EFNB1: variants seen among roughly 807,000 people sequenced by gnomAD.
The protein encoded by EFNB1 is ephrin B1, also known as ephrin-B1.
In EFNB1, 1 loss-of-function variant was observed where a neutral mutation model predicts 18.1. The ratio of observed to expected loss-of-function variants is 0.06; its 90% confidence interval spans 0.02 to 0.26. The LOEUF (loss-of-function observed/expected upper bound fraction) is 0.26, where lower values mean the gene tolerates loss of function less well. EFNB1 is among the 10% of genes least tolerant of loss of function. EFNB1 has a pLI of 1.00. For missense variants in EFNB1, 221 were observed against 301.8 expected, an observed-to-expected ratio of 0.73 and a Z score of 1.98; for synonymous variants, 131 against 127.5, an observed-to-expected ratio of 1.03 and a Z score of -0.19.
At position 68,840,700 on chromosome X, in the gene EFNB1, C is replaced by T. The variant is rs775252862; in HGVS notation, c.*46C>T. The stretch of plus-strand genomic sequence containing the variant: ...CCCCCGAGGGACAGTCGGCCTGGAC[C>T]GGACCTCTCCTTTCGCCCCCACACC... On this transcript the variant is annotated 3_prime_UTR_variant, in exon 5 of 5. Transcript: ENST00000204961. The T allele has an allele frequency of 3.9e-5, 46 of 1,164,639 alleles. No homozygotes were observed. The Admixed American group carries it at 5.4e-4, about 14-fold the overall frequency.
intron 1 of EFNB1, among the ~76,000 whole-genome samples, chrX:68,830,811 C>G (rs927360562): frequency 8.9e-6 from 1 of 112,454 alleles, no homozygotes; most frequent in Non-Finnish European, 1.9e-5. Context: ...GAGTGGGCAG[C>G]TATATAAAGG....
intron 1 of EFNB1, among the ~76,000 whole-genome samples, chrX:68,831,639 G>C (rs2080445830): frequency 9.0e-6 from 1 of 111,154 alleles, no homozygotes; most frequent in African/African-American, 3.3e-5. Flanking sequence ...CCATCATAGG[G>C]GCTCATGGGA....
chrX:68,829,970 C>G (rs2080440161), intron 1 of EFNB1, 66 bp downstream of exon 1: 1 of 1,151,429 alleles, frequency 8.7e-7, no homozygotes, highest in Non-Finnish European at 1.2e-6. Context: ...GCCGCACGCC[C>G]CGGAGTGCAT....
intron 1 of EFNB1, 135 bp from the exon 2 acceptor site, chrX:68,838,482 G>A (rs1364771167): frequency 2.8e-6 from 2 of 724,770 alleles, no homozygotes; most frequent in Non-Finnish European, 4.2e-6. Flanking sequence ...CCTGAGGATG[G>A]AGGAAGGGCA....
intron 1 of EFNB1, 33 bp from the exon 2 acceptor site, chrX:68,838,584 C>A: frequency 8.3e-7 from 1 of 1,210,792 alleles, no homozygotes. Context: ...CACCCCCAAC[C>A]CTGAGGCTGA....
intron 4 of EFNB1, 50 bp from the exon 5 acceptor site, chrX:68,840,192 G>A: frequency 8.3e-7 from 1 of 1,210,334 alleles, no homozygotes; most frequent in South Asian, 1.8e-5. Flanking sequence ...AATCTGCTGT[G>A]TGTCCCTGGG....
chrX:68,842,006 G>A lies in EFNB1; in HGVS notation c.*1352G>A, dbSNP rs1471823276. On this transcript the variant is annotated 3_prime_UTR_variant, in exon 5 of 5. Coordinates refer to ENST00000204961, the MANE Select transcript of EFNB1 (RefSeq NM_004429.5). The stretch of plus-strand genomic sequence containing the variant: ...CCCCTTCCAGGTGGCAGTCGGAAGG[G>A]TTTTTGTTTTTGTTTCTGTTGCCAT... 1 of 112,684 alleles carries A rather than the reference G, an allele frequency of 8.9e-6. No individual in the cohort carries two copies. The highest frequency in any genetic ancestry group is 3.2e-5 in the African/African-American group (1 of 30,925). The allele number at this position is 112,684 out of a possible 1,213,427, so 9.3% of individuals were successfully genotyped here. A position where few individuals can be genotyped will look rare whatever the true frequency, so the allele number is the denominator to read the frequency against.
chrX:68,838,416 A>G (rs190663423), intron 1 of EFNB1, among the ~76,000 whole-genome samples: 2 of 111,482 alleles, frequency 1.8e-5, no homozygotes, highest in Admixed American at 9.4e-5. Flanking sequence ...AGCCTTGCCC[A>G]TGGGCCACCC....
chrX:68,832,988 A>ACCC (rs1351876600), intron 1 of EFNB1, among the ~76,000 whole-genome samples: 3 of 107,678 alleles, frequency 2.8e-5, no homozygotes, highest in Non-Finnish European at 5.8e-5. Flanking sequence ...TCCCGTCCTG[A>ACCC]CCCCTTCCTG....
At chrX:68,834,760 T>C (rs909192135) in intron 1 of EFNB1, among the ~76,000 whole-genome samples, 1 of 112,510 alleles carries the variant, frequency 8.9e-6, no homozygotes, top group African/African-American at 3.2e-5. Flanking sequence ...GACTTGGGCT[T>C]GCATGGCCTA....
rs141908809 is a variant in EFNB1, at chrX:68,834,811, G to C, written c.129-3806G>C. ...TTTGGTCATTCTCTGACCACAAGTT[G>C]CTAGAGCCTGAGAGCAGGGTGACAG... On this transcript the variant is annotated intron_variant, in intron 1 of 4. Transcript: ENST00000204961. 3.9e-3 allele frequency among the ~76,000 whole-genome samples: 435 copies of C among 112,680 alleles called. 4 individuals carry two copies. The highest frequency in any genetic ancestry group is 0.013 in the African/African-American group (410 of 31,004).
chrX:68,839,791 C>T (rs1395456241), intron 3 of EFNB1, 35 bp downstream of exon 3: 2 of 1,185,336 alleles, frequency 1.7e-6, no homozygotes, highest in Non-Finnish European at 2.3e-6. Context: ...CTCACCCCAC[C>T]CTGTTTGACC....
chrX:68,834,870 G>C (rs766538926), intron 1 of EFNB1, among the ~76,000 whole-genome samples: 8 of 112,552 alleles, frequency 7.1e-5, no homozygotes, highest in Non-Finnish European at 1.5e-4. Context: ...GATGTGGGCA[G>C]CTTTCTGGGC....
chrX:68,837,647 C>T (rs1380822258), intron 1 of EFNB1, among the ~76,000 whole-genome samples: 3 of 112,189 alleles, frequency 2.7e-5, no homozygotes, highest in Non-Finnish European at 3.8e-5. Context: ...GCTGCTGACC[C>T]TCCCTGCTGT....
At chrX:68,839,922 G>A (rs763969071) in intron 3 of EFNB1, 38 bp from the exon 4 acceptor site, 57 of 1,209,640 alleles carry the variant, frequency 4.7e-5, no homozygotes, top group South Asian at 1.1e-4. Context: ...TATGCTGGCC[G>A]GGTCCCTGCC....
chrX:68,829,413 A>C lies in EFNB1; in HGVS notation c.-364A>C, dbSNP rs2080437654. 4.3e-6 allele frequency: 1 copy of C among 229,958 alleles called. No homozygotes were observed. Among genetic ancestry groups the C allele is most frequent in the East Asian group, 1.3e-4 (1 of 7,894 alleles). The allele number at this position is 229,958 out of a possible 1,213,427, so 19.0% of individuals were successfully genotyped here. A position where few individuals can be genotyped will look rare whatever the true frequency, so the allele number is the denominator to read the frequency against. ...GGCGGTCACCGAGACCTCTGCGGGAAGACCCCGTCGGGGAGAGGGCGCGCA... is the reference window on the plus strand; with the variant it reads ...GGCGGTCACCGAGACCTCTGCGGGACGACCCCGTCGGGGAGAGGGCGCGCA... On this transcript the variant is annotated 5_prime_UTR_variant, in exon 1 of 5. Transcript: ENST00000204961.
rs141090455 is a variant in EFNB1, at chrX:68,831,415, C to T, written c.128+1511C>T. Among the ~76,000 whole-genome samples, 565 of 111,989 alleles carry T rather than the reference C, an allele frequency of 5.0e-3. 3 individuals are homozygous for T. Among genetic ancestry groups the T allele is most frequent in the African/African-American group, 0.016 (492 of 30,792 alleles). ...GGGATTGGCAAGAATTTCTTTCCTA[C>T]CCAGAAGCCAAACGGGGTACAACAC... On this transcript the variant is annotated intron_variant, in intron 1 of 4. Transcript: ENST00000204961.
intron 1 of EFNB1, among the ~76,000 whole-genome samples, chrX:68,831,750 G>A (rs2080446117): frequency 9.0e-6 from 1 of 110,825 alleles, no homozygotes; most frequent in Non-Finnish European, 1.9e-5. Context: ...GAAGAAACAC[G>A]ATCTGTCTGT....
intron 1 of EFNB1, among the ~76,000 whole-genome samples, chrX:68,834,333 A>G (rs2080454905): frequency 8.9e-6 from 1 of 112,525 alleles, no homozygotes; most frequent in South Asian, 3.7e-4. Flanking sequence ...GCAGACATCG[A>G]CATCGAGGAG....
Sources: gnomAD v4.1 joint callset for allele counts (sites outside exome capture counted in the v4.1 genomes callset) on GRCh38, gnomAD v4.1.1 for gene constraint, MANE v1.5 for transcripts, NCBI Gene and HGNC (gene_info 2026-07-23, HGNC 2026-07-21) for gene names.